Variants in SUGCT observed in about 807,000 individuals in gnomAD.
SUGCT encodes the protein succinyl-CoA:glutarate-CoA transferase.
In SUGCT, 41 loss-of-function variants were observed where a neutral mutation model predicts 55.0. The ratio of observed to expected loss-of-function variants is 0.74; its 90% CI spans 0.58 to 0.97. The LOEUF (loss-of-function observed/expected upper bound fraction) is 0.97. Among genes scored for constraint, SUGCT ranks in the 50% least tolerant of loss-of-function variants. SUGCT has a pLI of 0.00. For synonymous variants in SUGCT, 187 were observed against 200.4 expected (o/e 0.93, Z 0.56); for missense variants, 568 against 547.8 (o/e 1.04, Z -0.37).
At chr7:40,430,139 T>C (rs1474297904) in intron 9 of SUGCT, among the ~76,000 whole-genome samples, 1 of 152,198 alleles carries the variant, frequency 6.6e-6, no homozygotes. Context: ...GGAGTGTAGG[T>C]ATCTTCACAA....
chr7:40,364,276 A>C (rs1189469459), intron 9 of SUGCT, among the ~76,000 whole-genome samples: 1 of 151,984 alleles, frequency 6.6e-6, no homozygotes, highest in Admixed American at 6.6e-5. Context: ...CCAATTTGCC[A>C]GTCTGTGTCT....
chr7:40,500,921 A>G (rs1487193461), intron 12 of SUGCT, among the ~76,000 whole-genome samples: 2 of 151,820 alleles, frequency 1.3e-5, no homozygotes, highest in Non-Finnish European at 2.9e-5. Context: ...ACACACCCAC[A>G]CTCACTTCTG....
intron 12 of SUGCT, among the ~76,000 whole-genome samples, chr7:40,711,365 G>A (rs1441610265): frequency 1.3e-5 from 2 of 151,902 alleles, no homozygotes; most frequent in East Asian, 1.9e-4. Context: ...CAAAAATTAG[G>A]TGGGCATGGT....
At chr7:40,716,848 A>G (rs1786050315) in intron 12 of SUGCT, among the ~76,000 whole-genome samples, 1 of 152,142 alleles carries the variant, frequency 6.6e-6, no homozygotes, top group South Asian at 2.1e-4. Context: ...ATGCAACATT[A>G]TAAGTATCAA....
At chr7:40,289,293 A>T (rs145833668) in intron 8 of SUGCT, among the ~76,000 whole-genome samples, 2 of 152,074 alleles carry the variant, frequency 1.3e-5, no homozygotes, top group Non-Finnish European at 2.9e-5. Context: ...CCTGTGGGGG[A>T]TACATTTTAA....
intron 12 of SUGCT, chr7:40,499,663 G>A (rs909409791): frequency 2.1e-4 from 32 of 152,476 alleles, no homozygotes; most frequent in African/African-American, 7.7e-4. Flanking sequence ...AAAACCCTTA[G>A]AGTGGGAGTT....
chr7:40,408,827 T>C (rs1786514197), intron 9 of SUGCT, among the ~76,000 whole-genome samples: 1 of 152,220 alleles, frequency 6.6e-6, no homozygotes, highest in Admixed American at 6.5e-5. Flanking sequence ...CAAATAGTTA[T>C]TCCATTCACC....
intron 6 of SUGCT, among the ~76,000 whole-genome samples, chr7:40,231,174 G>A (rs909348369): frequency 1.3e-5 from 2 of 152,120 alleles, no homozygotes; most frequent in African/African-American, 2.4e-5. Flanking sequence ...ACCCTCAATA[G>A]GTTATTTCAG....
chr7:40,438,242 A>G (rs1017580329), intron 9 of SUGCT, among the ~76,000 whole-genome samples: 1 of 152,210 alleles, frequency 6.6e-6, no homozygotes, highest in Non-Finnish European at 1.5e-5. Flanking sequence ...GCACTTCTGT[A>G]TCTTATATCT....
the SUGCT span, among the ~76,000 whole-genome samples, chr7:41,032,165 A>G: frequency 6.6e-6 from 1 of 152,140 alleles, no homozygotes; most frequent in South Asian, 2.1e-4. Context: ...TACACACAAC[A>G]AAAGAATTAT....
At chr7:40,883,692 G>T in the SUGCT span, among the ~76,000 whole-genome samples, 1 of 152,158 alleles carries the variant, frequency 6.6e-6, no homozygotes, top group South Asian at 2.1e-4. Context: ...AGTTAAGGGT[G>T]GGACTTTCCA....
chr7:40,690,836 C>G (rs1490004386), intron 12 of SUGCT, among the ~76,000 whole-genome samples: 1 of 152,110 alleles, frequency 6.6e-6, no homozygotes, highest in Admixed American at 6.6e-5. Context: ...CCTCAGCCTC[C>G]CAAAGTGCTG....
At chr7:40,832,185 A>C (rs2128779187) in intron 13 of SUGCT, among the ~76,000 whole-genome samples, 1 of 152,274 alleles carries the variant, frequency 6.6e-6, no homozygotes, top group African/African-American at 2.4e-5. Context: ...CAGAGTCCTG[A>C]AAAGTAACCC....
intron 12 of SUGCT, among the ~76,000 whole-genome samples, chr7:40,535,043 TATA>T (rs1052532590): frequency 2.0e-5 from 3 of 152,210 alleles, no homozygotes; most frequent in Non-Finnish European, 2.9e-5. Flanking sequence ...TTCAATTAAA[TATA>T]ATATCTTCAT....
intron 12 of SUGCT, among the ~76,000 whole-genome samples, chr7:40,717,856 A>G (rs916072176): frequency 6.6e-6 from 1 of 152,198 alleles, no homozygotes; most frequent in Admixed American, 6.5e-5. Context: ...CATAGAAAAA[A>G]ATATTTGGAA....
intron 13 of SUGCT, among the ~76,000 whole-genome samples, chr7:40,797,893 C>T (rs944705686): frequency 6.6e-6 from 1 of 152,238 alleles, no homozygotes; most frequent in African/African-American, 2.4e-5. Context: ...GGACCCCATT[C>T]ACCTTCCCTG....
chr7:40,820,144 C>T (rs930768686), intron 13 of SUGCT, among the ~76,000 whole-genome samples: 7 of 152,270 alleles, frequency 4.6e-5, no homozygotes, highest in South Asian at 4.2e-4. Context: ...GGTACCAGTA[C>T]CATGCTGTTT....
At chr7:40,734,478 C>A (rs1787058005) in intron 12 of SUGCT, among the ~76,000 whole-genome samples, 2 of 152,180 alleles carry the variant, frequency 1.3e-5, no homozygotes, top group South Asian at 4.1e-4. Context: ...AATGAAAAAT[C>A]TGTTTCACTG....
intron 12 of SUGCT, among the ~76,000 whole-genome samples, chr7:40,667,487 C>A (rs1051358553): frequency 6.6e-6 from 1 of 151,334 alleles, no homozygotes; most frequent in African/African-American, 2.4e-5. Flanking sequence ...AGTCTCTCCT[C>A]GGTTTTCTGG....
Sources: gnomAD v4.1 joint callset for allele counts (sites outside exome capture counted in the v4.1 genomes callset) on GRCh38, gnomAD v4.1.1 for gene constraint, MANE v1.5 for transcripts, NCBI Gene and HGNC (gene_info 2026-07-23, HGNC 2026-07-21) for gene names.